The following POLA1 variants were observed in gnomAD, a reference collection of about 807,000 sequenced individuals.
POLA1 encodes the protein DNA polymerase alpha 1, catalytic subunit.
POLA1 carries 15 observed loss-of-function variants against 124.0 expected under a neutral mutation model. The observed-to-expected ratio is 0.12, with a 90% CI of 0.08 to 0.19. POLA1 has a LOEUF of 0.19. POLA1 is among the 10% of genes least tolerant of loss of function. The probability of loss-of-function intolerance (pLI) is 1.00; values close to 1 mark genes in which losing one functional copy is unlikely to be tolerated. For synonymous variants in POLA1, 408 were observed against 389.4 expected (o/e 1.05, Z -0.56); for missense variants, 886 against 1,103.4 (o/e 0.80, Z 2.79).
At chrX:24,737,572 C>T in intron 18 of POLA1, 53 bp from the exon 19 acceptor site, 1 of 612,029 alleles carries the variant, frequency 1.6e-6, no homozygotes. Flanking sequence ...GAAGATAAAT[C>T]CTCTAATTTG....
chrX:24,905,799 G>C (rs2047358879), intron 35 of POLA1, among the ~76,000 whole-genome samples: 1 of 111,611 alleles, frequency 9.0e-6, no homozygotes, highest in Non-Finnish European at 1.9e-5. Flanking sequence ...CTGACCTCAG[G>C]TCATCCACCT....
intron 35 of POLA1, among the ~76,000 whole-genome samples, chrX:24,902,901 A>G (rs997626121): frequency 8.9e-6 from 1 of 112,317 alleles, no homozygotes. Flanking sequence ...TACAATAAAT[A>G]TGGTACTTTA....
At chrX:24,744,573 A>G (rs1931880924) in intron 23 of POLA1, 1 of 342,737 alleles carries the variant, frequency 2.9e-6, no homozygotes, top group South Asian at 2.7e-5. Flanking sequence ...TGACATTTAT[A>G]TATATGTGTC....
At chrX:24,930,214 C>T (rs1379097723) in intron 35 of POLA1, among the ~76,000 whole-genome samples, 1 of 112,065 alleles carries the variant, frequency 8.9e-6, no homozygotes, top group African/African-American at 3.2e-5. Context: ...AATCAGTCTG[C>T]AGCTTCGCAA....
intron 34 of POLA1, among the ~76,000 whole-genome samples, chrX:24,881,707 T>C (rs1216450147): frequency 9.0e-6 from 1 of 111,545 alleles, no homozygotes; most frequent in African/African-American, 3.3e-5. Context: ...CACCGCAGTG[T>C]GTGTTCAGCG....
At chrX:24,887,198 A>G (rs565174277) in intron 34 of POLA1, among the ~76,000 whole-genome samples, 2 of 112,534 alleles carry the variant, frequency 1.8e-5, no homozygotes, top group Admixed American at 1.9e-4. Flanking sequence ...TTTATAACAT[A>G]AGACTGATTT....
chrX:24,970,031 A>G (rs2048282597), intron 36 of POLA1, among the ~76,000 whole-genome samples: 1 of 112,433 alleles, frequency 8.9e-6, no homozygotes, highest in Non-Finnish European at 1.9e-5. Context: ...ATAGTATTCC[A>G]TGGTGTATAT....
At chrX:24,851,429 G>A (rs1379666912) in intron 34 of POLA1, among the ~76,000 whole-genome samples, 1 of 112,717 alleles carries the variant, frequency 8.9e-6, no homozygotes, top group East Asian at 2.8e-4. Flanking sequence ...AAGTTGCTTA[G>A]CATCTTCTTT....
At chrX:24,767,798 C>G (rs1291609352) in intron 26 of POLA1, among the ~76,000 whole-genome samples, 2 of 111,924 alleles carry the variant, frequency 1.8e-5, no homozygotes, top group Non-Finnish European at 3.8e-5. Context: ...TTACCCTGTT[C>G]CTATAAGTGG....
At chrX:24,988,834 C>T (rs1326285835) in intron 36 of POLA1, among the ~76,000 whole-genome samples, 1 of 111,196 alleles carries the variant, frequency 9.0e-6, no homozygotes, top group East Asian at 2.8e-4. Flanking sequence ...GGCGTGGTGG[C>T]AGGCACCTGT....
At chrX:24,995,048 C>T (rs1254239480) in intron 36 of POLA1, among the ~76,000 whole-genome samples, 1 of 107,831 alleles carries the variant, frequency 9.3e-6, no homozygotes, top group Non-Finnish European at 1.9e-5. Flanking sequence ...AAGAGCAAAC[C>T]TCTGTCTCAA....
chrX:24,695,954 A>G (rs372017263), intron 1 of POLA1, among the ~76,000 whole-genome samples: 117 of 112,993 alleles, frequency 1.0e-3, no homozygotes, highest in African/African-American at 3.6e-3. Flanking sequence ...ATCTAATCAT[A>G]TGCAGAAAAC....
intron 36 of POLA1, among the ~76,000 whole-genome samples, chrX:24,976,646 A>G (rs73473548): frequency 0.042 from 4,706 of 112,237 alleles, 248 homozygotes; most frequent in African/African-American, 0.14. Context: ...ACATGGGATG[A>G]GTGGGAGACT....
intron 31 of POLA1, among the ~76,000 whole-genome samples, chrX:24,825,304 G>T (rs1271958291): frequency 8.9e-6 from 1 of 112,158 alleles, no homozygotes; most frequent in Non-Finnish European, 1.9e-5. Context: ...GAACCTGGTT[G>T]ATAAACAGGC....
chrX:24,823,564 G>A (rs1029374537), intron 31 of POLA1, among the ~76,000 whole-genome samples: 23 of 111,115 alleles, frequency 2.1e-4, no homozygotes, highest in Non-Finnish European at 3.2e-4. Flanking sequence ...ACCATGCCCA[G>A]CTAATTTTTT....
intron 34 of POLA1, among the ~76,000 whole-genome samples, chrX:24,862,363 G>A (rs758027950): frequency 1.8e-4 from 20 of 111,662 alleles, no homozygotes; most frequent in Admixed American, 5.7e-4. Flanking sequence ...TTCTAGAAAC[G>A]TGGGGAAAAA....
At chrX:24,982,135 C>T (rs1198522282) in intron 36 of POLA1, among the ~76,000 whole-genome samples, 1 of 109,105 alleles carries the variant, frequency 9.2e-6, no homozygotes, top group African/African-American at 3.3e-5. Context: ...CAGCGAATTG[C>T]TTTTAAAGTG....
intron 35 of POLA1, among the ~76,000 whole-genome samples, chrX:24,899,048 C>T (rs1166285010): frequency 3.6e-5 from 4 of 111,066 alleles, no homozygotes; most frequent in African/African-American, 1.3e-4. Context: ...CATATCAAGC[C>T]GATTTCCCAC....
chrX:24,791,038 T>C (rs2045485255), intron 26 of POLA1, among the ~76,000 whole-genome samples: 1 of 108,911 alleles, frequency 9.2e-6, no homozygotes, highest in South Asian at 4.0e-4. Flanking sequence ...GCAGGCAATA[T>C]GCTTACTGTC....
Sources: allele counts gnomAD v4.1 joint callset (sites outside exome capture counted in the v4.1 genomes callset), GRCh38; gene constraint gnomAD v4.1.1; transcripts MANE v1.5; gene names NCBI Gene and HGNC (gene_info 2026-07-23, HGNC 2026-07-21).